The following MRPS10 variants were observed in gnomAD, a reference collection of about 807,000 sequenced individuals.
MRPS10 encodes mitochondrial ribosomal protein S10, also known as small ribosomal subunit protein uS10m.
Under a neutral mutation model 27.5 loss-of-function variants are expected in MRPS10, and 23 were observed. That is an observed-to-expected ratio of 0.84 (90% CI 0.60 to 1.18). The LOEUF (loss-of-function observed/expected upper bound fraction) is 1.18. Among genes scored for constraint, MRPS10 ranks in the 50% most tolerant of loss-of-function variants. MRPS10 has a pLI of 0.00. For missense variants in MRPS10, 237 were observed against 240.1 expected (o/e 0.99, Z 0.09); for synonymous variants, 88 against 84.2 (o/e 1.04, Z -0.25).
intron 4 of MRPS10, among the ~76,000 whole-genome samples, 197 bp downstream of exon 4, chr6:42,211,584 G>C (rs1300303960): frequency 6.7e-6 from 1 of 149,566 alleles, no homozygotes; most frequent in African/African-American, 2.5e-5. Context: ...GGGAGGCTGA[G>C]AACTGCTTGA....
rs1239533796 is a variant in MRPS10, at chr6:42,206,902, G to A, written c.*1387C>T. The A allele has an allele frequency of 1.3e-5, 2 of 152,110 alleles. No homozygotes were observed. Among genetic ancestry groups the A allele is most frequent in the African/African-American group, 2.4e-5 (1 of 41,444 alleles). 9.4% of individuals were successfully genotyped at this position (152,110 alleles called of 1,614,324 possible). A position where few individuals can be genotyped will look rare whatever the true frequency, so the allele number is the denominator to read the frequency against. On this transcript the variant is annotated 3_prime_UTR_variant, in exon 7 of 7. Transcript: ENST00000053468. ...GTATTCAACACACTGATACCTGATA[G>A]CATGTCAGGAAAAAAGAATAGGCAA...
At position 42,211,772 on chromosome 6, in the gene MRPS10, C is replaced by T. The variant is rs758716403; in HGVS notation, c.323+9G>A. On this transcript the variant is annotated intron_variant, in intron 4 of 6. Transcript: ENST00000053468. ...GCGAACAGGTCGGGTCAGGAAAGGCCATACTCACACTTTAATAGAGATACC... is the reference window on the plus strand; with the variant it reads ...GCGAACAGGTCGGGTCAGGAAAGGCTATACTCACACTTTAATAGAGATACC... 5.6e-6 allele frequency: 9 copies of T among 1,611,196 alleles called. No individual in the cohort carries two copies. In the Admixed American group the frequency reaches 1.3e-4, roughly 24 times the overall value.
rs1207449058 is a variant in MRPS10, at chr6:42,217,832, C to A, written c.18G>T (p.Ala6=). 1.2e-6 allele frequency: 2 copies of A among 1,614,130 alleles called. No individual in the cohort carries two copies. The highest frequency in any genetic ancestry group is 1.1e-5 in the South Asian group (1 of 91,080). ...AGAGGCGCCGGCACACAGCACCGAACGCTGTCCGCGCCGCCATCTTGCCGG... is the reference window on the plus strand; with the variant it reads ...AGAGGCGCCGGCACACAGCACCGAAAGCTGTCCGCGCCGCCATCTTGCCGG... MAART[A]FGAVCRRLWQ... The change falls in exon 1 of 7, where the codon GCG becomes GCT. Residue 6 remains alanine, a synonymous_variant. Transcript: ENST00000053468.
intron 3 of MRPS10, 101 bp from the exon 4 acceptor site, chr6:42,212,018 T>C: frequency 9.2e-7 from 1 of 1,089,862 alleles, no homozygotes; most frequent in African/African-American, 1.6e-5. Context: ...AGTTTACTAA[T>C]AAATGAGGAG....
intron 3 of MRPS10, among the ~76,000 whole-genome samples, chr6:42,213,331 C>A (rs958591742): frequency 2.6e-5 from 4 of 152,140 alleles, no homozygotes; most frequent in African/African-American, 9.7e-5. Flanking sequence ...TGCCTGTAAT[C>A]CCAGCTAGTC....
At chr6:42,209,008 T>TG (rs1768695191) in intron 5 of MRPS10, 61 bp from the exon 6 acceptor site, 2 of 1,171,598 alleles carry the variant, frequency 1.7e-6, no homozygotes, top group African/African-American at 1.6e-5. Flanking sequence ...GGTTTTTTGT[T>TG]TTTTTTTTTG....
intron 3 of MRPS10, among the ~76,000 whole-genome samples, chr6:42,212,657 C>T (rs1768816641): frequency 6.6e-6 from 1 of 152,218 alleles, no homozygotes; most frequent in Non-Finnish European, 1.5e-5. Context: ...ACCTTCATTT[C>T]ATTCATCCGT....
At chr6:42,209,914 T>A (rs965399785) in intron 5 of MRPS10, among the ~76,000 whole-genome samples, 1 of 152,074 alleles carries the variant, frequency 6.6e-6, no homozygotes, top group Non-Finnish European at 1.5e-5. Context: ...AGTGCTTACA[T>A]AAATTTTCCA....
At chr6:42,217,434 A>C (rs1252721709) in intron 1 of MRPS10, among the ~76,000 whole-genome samples, 1 of 152,210 alleles carries the variant, frequency 6.6e-6, no homozygotes, top group African/African-American at 2.4e-5. Context: ...CCATGGGAAG[A>C]GTCTGATATC....
intron 5 of MRPS10, among the ~76,000 whole-genome samples, chr6:42,209,338 C>T (rs2113859661): frequency 6.6e-6 from 1 of 152,180 alleles, no homozygotes; most frequent in Admixed American, 6.5e-5. Flanking sequence ...GCTCACAAAA[C>T]AACTGAAGAC....
Position 42,211,958 on chromosome 6 carries a change from T to C in MRPS10, c.187-41A>G, listed in dbSNP as rs72854878. 1.6e-3 allele frequency: 2,470 copies of C among 1,567,962 alleles called. 2 individuals carry two copies. Among genetic ancestry groups the C allele is most frequent in the Non-Finnish European group, 1.9e-3 (2,189 of 1,151,450 alleles). Reference sequence around the variant, plus strand: ...AAAGTTTCAGTTTTAGTTCCTCTTCTATTTCTAACTAGCAAATTTAAAACA... The same window carrying C: ...AAAGTTTCAGTTTTAGTTCCTCTTCCATTTCTAACTAGCAAATTTAAAACA... On this transcript the variant is annotated intron_variant, in intron 3 of 6. Transcript: ENST00000053468.
chr6:42,216,151 G>C (rs1019448522), intron 1 of MRPS10, among the ~76,000 whole-genome samples: 2 of 150,528 alleles, frequency 1.3e-5, no homozygotes, highest in Non-Finnish European at 3.0e-5. Context: ...AGCCTCCTGA[G>C]TAGGTGGGAT....
Position 42,208,858 on chromosome 6 carries a change from C to T in MRPS10, c.522G>A (p.Lys174=). 6.3e-7 allele frequency: 1 copy of T among 1,597,228 alleles called. No homozygotes were observed. Among genetic ancestry groups the T allele is most frequent in the Non-Finnish European group, 8.6e-7 (1 of 1,165,964 alleles). The change falls in exon 6 of 7, where the codon AAG becomes AAA. Residue 174 remains lysine, a splice_region_variant and synonymous_variant. Coordinates refer to ENST00000053468, the MANE Select transcript of MRPS10 (RefSeq NM_018141.4). ...AAAGAGGCAGAAATTCAAGCTATAC[C>T]TTTGTTACTTCCATGGCAACCCCTT... ...LPEGVAMEVT[K]TQLEQLPEHI...
At chr6:42,217,253 A>G (rs764706118) in intron 1 of MRPS10, among the ~76,000 whole-genome samples, 16 of 152,230 alleles carry the variant, frequency 1.1e-4, no homozygotes, top group Non-Finnish European at 2.2e-4. Context: ...AGCTCTCTGG[A>G]GTCCTGAACT....
Position 42,216,385 on chromosome 6 carries a change from A to AGAGAGAGTGTGTGTGTGTGTGT in MRPS10, c.48+1416_48+1417insACACACACACACACACTCTCTC. ...GAGAGAGAGAGAGAGAGAGAGAGAG[A>AGAGAGAGTGTGTGTGTGTGTGT]GTGTGTGTGTGTGTGTGTGTGTGTG... On this transcript the variant is annotated intron_variant, in intron 1 of 6. Coordinates refer to ENST00000053468, the MANE Select transcript of MRPS10 (RefSeq NM_018141.4). Among the ~76,000 whole-genome samples, 18 of 58,702 alleles carry AGAGAGAGTGTGTGTGTGTGTGT rather than the reference A, an allele frequency of 3.1e-4. 1 individual carries two copies. In the East Asian group the frequency reaches 0.01, roughly 34 times the overall value. The allele number at this position is 58,702 out of a possible 152,430, so 38.5% of individuals were successfully genotyped here.
At position 42,212,213 on chromosome 6, in the gene MRPS10, A is replaced by G. The variant is rs545973169; in HGVS notation, c.187-296T>C. 7.9e-4 allele frequency among the ~76,000 whole-genome samples: 120 copies of G among 152,346 alleles called. 5 individuals are homozygous for G. The South Asian group carries it at 0.019, about 24-fold the overall frequency. ...CGATTCAGCTTCAAATTCACAATGA[A>G]AAAGGACTCCAGGGTCTGCTAGTAA... On this transcript the variant is annotated intron_variant, in intron 3 of 6. Transcript: ENST00000053468.
Position 42,208,847 on chromosome 6 carries a change from T to C in MRPS10, c.522+11A>G. On this transcript the variant is annotated intron_variant, in intron 6 of 6. Transcript: ENST00000053468. ...CCGCCCCACCGAAAGAGGCAGAAAT[T>C]CAAGCTATACCTTTGTTACTTCCAT... 1 of 1,574,458 alleles carries C rather than the reference T, an allele frequency of 6.4e-7. No homozygotes were observed. Among genetic ancestry groups the C allele is most frequent in the Non-Finnish European group, 8.7e-7 (1 of 1,148,458 alleles).
Position 42,211,914 on chromosome 6 carries a change from T to C in MRPS10, c.190A>G (p.Thr64Ala). The part of the protein sequence containing the change: ...VPKDLTKPVV[T>A]ISDEPDILYK... ...AATATGTCTGGTTCATCAGAGATTG[T>C]TACCTAAAATCCAAAAGAAAAGTTT... Residue 64 changes from threonine to alanine, a missense_variant, in exon 4 of 7, where the codon ACA becomes GCA. Transcript: ENST00000053468. 1.2e-6 allele frequency: 2 copies of C among 1,605,598 alleles called. No individual in the cohort carries two copies. Among genetic ancestry groups the C allele is most frequent in the Non-Finnish European group, 1.7e-6 (2 of 1,177,928 alleles).
intron 4 of MRPS10, among the ~76,000 whole-genome samples, chr6:42,211,215 G>A (rs9369349): frequency 0.54 from 82,765 of 152,036 alleles, 24,463 homozygotes; most frequent in East Asian, 0.83. Flanking sequence ...AATGATGGAT[G>A]TATTAGCCAA....
Sources: gnomAD v4.1 joint callset for allele counts (sites outside exome capture counted in the v4.1 genomes callset) on GRCh38, gnomAD v4.1.1 for gene constraint, MANE v1.5 for transcripts, NCBI Gene and HGNC (gene_info 2026-07-23, HGNC 2026-07-21) for gene names.